MCF2L: variants seen among roughly 807,000 people sequenced by gnomAD.
MCF2L encodes guanine nucleotide exchange factor DBS.
MCF2L carries 97 observed loss-of-function variants against 153.4 expected under a neutral mutation model. The ratio of observed to expected loss-of-function variants is 0.63; its 90% CI spans 0.54 to 0.75. MCF2L has a LOEUF of 0.75. MCF2L is among the 30% of genes least tolerant of loss of function. The pLI, the probability that MCF2L is intolerant of heterozygous loss-of-function variation, is 0.00. For missense variants in MCF2L, 1,347 were observed against 1,495.2 expected, an observed-to-expected ratio of 0.90 and a Z score of 1.64; for synonymous variants, 659 against 632.2, an observed-to-expected ratio of 1.04 and a Z score of -0.64.
In MCF2L at chr13:113,016,836, G is replaced by A. The variant is rs376218787; in HGVS notation, c.163+1990G>A. Among the ~76,000 whole-genome samples the A allele has an allele frequency of 3.5e-4, 54 of 152,194 alleles. 1 individual carries two copies. Among genetic ancestry groups the A allele is most frequent in the African/African-American group, 1.3e-3 (53 of 41,526 alleles). ...TCCCTCCTCGCCTGCGCTCTGCTCC[G>A]CCCCCTTCGTTACACCACCTCACGT... On this transcript the variant is annotated intron_variant, in intron 2 of 29. Transcript: ENST00000535094.
chr13:112,988,870 G>C (rs9577185), intron 1 of MCF2L, among the ~76,000 whole-genome samples: 12,269 of 25,474 alleles, frequency 0.48, 1,310 homozygotes, highest in Middle Eastern at 0.62. Context: ...CTGAGCAGGG[G>C]ATGGAGCTAC....
chr13:113,085,247 G>A (rs2034519588), intron 20 of MCF2L, 69 bp downstream of exon 20: 1 of 1,454,470 alleles, frequency 6.9e-7, no homozygotes, highest in Non-Finnish European at 9.6e-7. Flanking sequence ...GCCGCCCTGG[G>A]GCCCCGTCCC....
At chr13:113,085,378 C>T (rs1019368157) in intron 20 of MCF2L, among the ~76,000 whole-genome samples, 200 bp downstream of exon 20, 11 of 152,154 alleles carry the variant, frequency 7.2e-5, no homozygotes, top group African/African-American at 2.7e-4. Flanking sequence ...GGTGAGCAGA[C>T]GAGTCCCCGT....
chr13:113,047,909 C>A (rs1293714944), intron 4 of MCF2L, among the ~76,000 whole-genome samples: 1 of 152,060 alleles, frequency 6.6e-6, no homozygotes, highest in African/African-American at 2.4e-5. Flanking sequence ...CGTGCCCCGG[C>A]CCCTCCGCTG....
chr13:112,972,614 G>GTGGA (rs1204922388), intron 1 of MCF2L, among the ~76,000 whole-genome samples: 3 of 147,026 alleles, frequency 2.0e-5, no homozygotes, highest in East Asian at 2.1e-4. Context: ...GGACGGATGA[G>GTGGA]TGGATGGATG....
At chr13:112,936,632 T>C (rs1484983992) in intron 2 of MCF2L, among the ~76,000 whole-genome samples, 2 of 152,190 alleles carry the variant, frequency 1.3e-5, no homozygotes. Flanking sequence ...AAAAGATCTT[T>C]CCCTAATCTG....
At chr13:112,958,369 C>G (rs897029979) in intron 2 of MCF2L, among the ~76,000 whole-genome samples, 1 of 152,230 alleles carries the variant, frequency 6.6e-6, no homozygotes, top group African/African-American at 2.4e-5. Flanking sequence ...CCGGGGGACC[C>G]TGTCCTATTC....
At chr13:113,073,542 C>T (rs892834043) in intron 9 of MCF2L, among the ~76,000 whole-genome samples, 7 of 152,162 alleles carry the variant, frequency 4.6e-5, no homozygotes, top group Admixed American at 2.0e-4. Context: ...GGGATGTCTG[C>T]GTACACACCC....
intron 1 of MCF2L, among the ~76,000 whole-genome samples, chr13:112,986,340 C>A (rs2082638983): frequency 6.6e-6 from 1 of 152,230 alleles, no homozygotes; most frequent in Non-Finnish European, 1.5e-5. Context: ...CTCACCCGTT[C>A]TGCAGATGAG....
intron 1 of MCF2L, among the ~76,000 whole-genome samples, chr13:112,899,576 C>T (rs77111306): frequency 7.5e-4 from 114 of 152,304 alleles, no homozygotes; most frequent in African/African-American, 2.6e-3. Context: ...TCCTTCACCA[C>T]GTGAGAGCTG....
chr13:112,968,648 C>T (rs1433449693), upstream of MCF2L: 5 of 1,523,780 alleles, frequency 3.3e-6, no homozygotes, highest in Admixed American at 7.9e-5. Context: ...CATGCGGCCA[C>T]ACGGAAGGGG....
At chr13:113,025,255 T>G (rs2141292675) in intron 3 of MCF2L, among the ~76,000 whole-genome samples, 1 of 104,584 alleles carries the variant, frequency 9.6e-6, no homozygotes. Context: ...GATTTCCCCG[T>G]CATGGGGTCC....
chr13:113,008,294 A>T lies in MCF2L; in HGVS notation c.80-6469A>T, dbSNP rs1677861429. Among the ~76,000 whole-genome samples, 5 of 152,198 alleles carry T rather than the reference A, an allele frequency of 3.3e-5. No individual in the cohort carries two copies. The South Asian group carries it at 1.0e-3, about 32-fold the overall frequency. On this transcript the variant is annotated intron_variant, in intron 1 of 29. Transcript: ENST00000535094. ...TTTAAAGCACCATAATGAATGTATA[A>T]TTAAGTTATGATAAAGTCTTAACCC...
rs1280835995 is a variant in MCF2L, at chr13:113,089,612, C to T, written c.2837C>T (p.Pro946Leu). The change falls in exon 26 of 30, where the codon CCC (proline) becomes CTC (leucine). Residue 946 changes from proline (P) to leucine (L), a missense_variant and splice_region_variant. Pro to Leu is a moderately conservative substitution (Grantham distance 98, BLOSUM62 -3). Transcript: ENST00000535094. Reference sequence around the variant, plus strand: ...TTTGATTTGTCTGATGTCATCAGTCCCTCAAGAGGAAACTCAAGGAACATC... The same window carrying T: ...TTTGATTTGTCTGATGTCATCAGTCTCTCAAGAGGAAACTCAAGGAACATC... ...LPLPAPTSTSPSRGNSRNIKK... is the reference protein window; with the variant it reads ...LPLPAPTSTSLSRGNSRNIKK... 6 of 1,602,304 alleles carry T rather than the reference C, an allele frequency of 3.7e-6. No homozygotes were observed. The African/African-American group carries it at 4.0e-5, about 11-fold the overall frequency.
rs2087432589 is a variant in MCF2L at position 113,052,688 on chromosome 13, A to G, written c.369+7327A>G. 3 of 153,296 alleles carry G rather than the reference A, an allele frequency of 2.0e-5. No homozygotes were observed. The South Asian group carries it at 6.2e-4, about 32-fold the overall frequency. The allele number at this position is 153,296 out of a possible 1,614,324, so 9.5% of individuals were successfully genotyped here. A position where few individuals can be genotyped will look rare whatever the true frequency, so the allele number is the denominator to read the frequency against. On this transcript the variant is annotated intron_variant, in intron 4 of 29. Transcript: ENST00000535094. ...TTCAGTTCAGAAAAATTTCAGACCT[A>G]CAGAAAACTTGGGAGAGTCTCACAG...
chr13:113,007,978 A>G (rs1277312316), intron 1 of MCF2L, among the ~76,000 whole-genome samples: 1 of 145,440 alleles, frequency 6.9e-6, no homozygotes, highest in South Asian at 2.1e-4. Flanking sequence ...GTGCAGTGGC[A>G]CAATCTCAGC....
intron 1 of MCF2L, among the ~76,000 whole-genome samples, chr13:113,014,027 G>A (rs2084347320): frequency 6.6e-6 from 1 of 152,054 alleles, no homozygotes; most frequent in Admixed American, 6.5e-5. Context: ...CTGGCCCCAT[G>A]CTCCTAGCTG....
chr13:113,025,253 C>A (rs371108478), intron 3 of MCF2L, among the ~76,000 whole-genome samples: 1 of 99,672 alleles, frequency 1.0e-5, no homozygotes. Flanking sequence ...GAGATTTCCC[C>A]GTCATGGGGT....
In MCF2L at chr13:113,088,141, C is replaced by T. The variant is rs79912421; in HGVS notation, c.2689-186C>T. On this transcript the variant is annotated intron_variant, in intron 23 of 29. Transcript: ENST00000535094. ...CCAGGCACAGTTCTTCAGTCAGTCC[C>T]GTGCATGGGGCACAGAGGGTCCCGC... is the stretch of plus-strand genomic sequence containing the variant. 5.0e-3 allele frequency among the ~76,000 whole-genome samples: 764 copies of T among 152,342 alleles called. 10 individuals carry two copies. The highest frequency in any genetic ancestry group is 0.018 in the African/African-American group (732 of 41,576).
Sources: allele counts gnomAD v4.1 joint callset (sites outside exome capture counted in the v4.1 genomes callset), GRCh38; gene constraint gnomAD v4.1.1; transcripts MANE v1.5; gene names NCBI Gene and HGNC (gene_info 2026-07-23, HGNC 2026-07-21).